Variants in VPS50 observed in about 807,000 individuals in gnomAD.
VPS50 encodes VPS50 subunit of EARP/GARPII complex.
VPS50 carries 70 observed loss-of-function variants against 139.7 expected under a neutral mutation model. The observed-to-expected ratio is 0.50, with a 90% CI of 0.41 to 0.61. The LOEUF is 0.61. Among genes scored for constraint, VPS50 ranks in the 20% least tolerant of loss-of-function variants. The pLI is 0.00. For synonymous variants in VPS50, 365 were observed against 376.7 expected (o/e 0.97, Z 0.36); for missense variants, 921 against 1,133.7 (o/e 0.81, Z 2.69).
intron 14 of VPS50, among the ~76,000 whole-genome samples, chr7:93,295,720 T>TTTGA (rs1017904911): frequency 3.9e-5 from 6 of 152,114 alleles, no homozygotes; most frequent in East Asian, 3.9e-4. Flanking sequence ...CTTTCTTTCT[T>TTTGA]TTGATTGATT....
chr7:93,318,573 GTC>G (rs1487908771), intron 20 of VPS50, among the ~76,000 whole-genome samples: 1 of 152,116 alleles, frequency 6.6e-6, no homozygotes, highest in Non-Finnish European at 1.5e-5. Flanking sequence ...TCCTGCTTGT[GTC>G]CCATCAGATT....
intron 9 of VPS50, among the ~76,000 whole-genome samples, chr7:93,266,352 G>A (rs1293136524): frequency 6.6e-6 from 1 of 152,132 alleles, no homozygotes; most frequent in Non-Finnish European, 1.5e-5. Context: ...GATATTAAAG[G>A]ACTTGACTTA....
intron 2 of VPS50, among the ~76,000 whole-genome samples, chr7:93,250,935 T>G (rs1014149189): frequency 6.6e-6 from 1 of 152,130 alleles, no homozygotes; most frequent in Non-Finnish European, 1.5e-5. Flanking sequence ...AAAAAGCTCA[T>G]CATCCCTGGT....
intron 11 of VPS50, among the ~76,000 whole-genome samples, chr7:93,273,929 G>A (rs1373835077): frequency 1.3e-5 from 2 of 151,980 alleles, no homozygotes; most frequent in Admixed American, 6.6e-5. Flanking sequence ...TATTATATCT[G>A]GGATGGTGAT....
At chr7:93,356,837 T>C (rs1798721513) in intron 27 of VPS50, among the ~76,000 whole-genome samples, 1 of 152,296 alleles carries the variant, frequency 6.6e-6, no homozygotes, top group Non-Finnish European at 1.5e-5. Context: ...TCAAGTTTTA[T>C]TTCATTTGGG....
At chr7:93,246,081 TC>T in intron 2 of VPS50, 1 of 1,487,716 alleles carries the variant, frequency 6.7e-7, no homozygotes, top group Non-Finnish European at 9.0e-7. Context: ...ACTAAACGCT[TC>T]TTTTTTTTTT....
chr7:93,239,824 T>A, intron 1 of VPS50, 42 bp from the exon 2 acceptor site: 1 of 1,132,558 alleles, frequency 8.8e-7, no homozygotes. Context: ...TTATAATTCT[T>A]CAGCATGATT....
At chr7:93,279,638 G>A (rs1193340771) in intron 12 of VPS50, among the ~76,000 whole-genome samples, 1 of 152,186 alleles carries the variant, frequency 6.6e-6, no homozygotes, top group Non-Finnish European at 1.5e-5. Flanking sequence ...GGGGCATCAG[G>A]TGAGCAAGAA....
intron 12 of VPS50, among the ~76,000 whole-genome samples, chr7:93,290,445 G>A (rs990891040): frequency 2.0e-5 from 3 of 150,656 alleles, no homozygotes; most frequent in Non-Finnish European, 3.0e-5. Flanking sequence ...TGACCACAGG[G>A]GTTGTGCCTT....
chr7:93,343,225 G>C (rs531036360), intron 23 of VPS50, among the ~76,000 whole-genome samples: 1 of 152,272 alleles, frequency 6.6e-6, no homozygotes, highest in African/African-American at 2.4e-5. Context: ...CTGGAAGAAA[G>C]GGTATCAGCG....
At chr7:93,348,104 G>A (rs2117079679) in intron 23 of VPS50, among the ~76,000 whole-genome samples, 1 of 152,098 alleles carries the variant, frequency 6.6e-6, no homozygotes, top group East Asian at 1.9e-4. Flanking sequence ...TATAACATAA[G>A]AGTTTTTGCA....
chr7:93,247,173 C>T (rs553468353), intron 2 of VPS50, among the ~76,000 whole-genome samples: 4 of 151,942 alleles, frequency 2.6e-5, no homozygotes, highest in African/African-American at 7.2e-5. Context: ...GCCTCTAAAA[C>T]GTTGAATTCT....
chr7:93,280,227 T>G (rs1796282593), intron 12 of VPS50, among the ~76,000 whole-genome samples: 1 of 152,096 alleles, frequency 6.6e-6, no homozygotes. Flanking sequence ...GTTTTTAGAG[T>G]GGTTTAATTA....
At chr7:93,356,389 T>A (rs1332121815) in intron 27 of VPS50, among the ~76,000 whole-genome samples, 1 of 152,146 alleles carries the variant, frequency 6.6e-6, no homozygotes, top group East Asian at 1.9e-4. Flanking sequence ...AAGGCTGAAG[T>A]TGATAAATAC....
rs889889690 is a variant in VPS50 at position 93,301,461 on chromosome 7, A to G, written c.1362-1999A>G. 3.3e-5 allele frequency among the ~76,000 whole-genome samples: 5 copies of G among 152,048 alleles called. No individual in the cohort carries two copies. The East Asian group carries it at 5.8e-4, about 18-fold the overall frequency. ...TCTCTTACCTTTTTGGTGTTGTCATATACTTTTACTTCATATATTATTTTC... is the reference window on the plus strand; with the variant it reads ...TCTCTTACCTTTTTGGTGTTGTCATGTACTTTTACTTCATATATTATTTTC... On this transcript the variant is annotated intron_variant, in intron 16 of 27. Coordinates refer to ENST00000305866, the MANE Select transcript of VPS50 (RefSeq NM_017667.4).
intron 9 of VPS50, among the ~76,000 whole-genome samples, chr7:93,262,753 C>T (rs1057066190): frequency 3.9e-5 from 6 of 152,284 alleles, no homozygotes; most frequent in South Asian, 2.1e-4. Flanking sequence ...ATAGCCCCTC[C>T]GCTAGCATTT....
intron 20 of VPS50, among the ~76,000 whole-genome samples, chr7:93,317,826 G>C (rs966621799): frequency 2.0e-5 from 3 of 152,020 alleles, no homozygotes; most frequent in African/African-American, 4.8e-5. Flanking sequence ...TTTTGAATAA[G>C]TTGTTTTTAA....
chr7:93,358,212 C>A (rs1798760466), intron 27 of VPS50, 105 bp from the exon 28 acceptor site: 4 of 1,004,520 alleles, frequency 4.0e-6, no homozygotes, highest in Non-Finnish European at 6.1e-6. Context: ...GTTTATAATG[C>A]TCAGTAACTA....
At chr7:93,262,416 C>T (rs572451682) in intron 9 of VPS50, among the ~76,000 whole-genome samples, 2 of 152,018 alleles carry the variant, frequency 1.3e-5, no homozygotes, top group South Asian at 4.2e-4. Flanking sequence ...GGTGTGGCTA[C>T]AGTTATCGAA....
Sources: allele counts gnomAD v4.1 joint callset (sites outside exome capture counted in the v4.1 genomes callset), GRCh38; gene constraint gnomAD v4.1.1; transcripts MANE v1.5; gene names NCBI Gene and HGNC (gene_info 2026-07-23, HGNC 2026-07-21).